VWA2: variants seen among roughly 807,000 people sequenced by gnomAD.
VWA2 encodes the protein von Willebrand factor A domain-containing protein 2.
Under a neutral mutation model 70.4 loss-of-function variants are expected in VWA2, and 73 were observed. The ratio of observed to expected loss-of-function variants is 1.04; its 90% CI spans 0.86 to 1.26. The LOEUF is 1.26. Among genes scored for constraint, VWA2 ranks in the 50% most tolerant of loss-of-function variants. The pLI is 0.00. For synonymous variants in VWA2, 407 were observed against 423.3 expected, an observed-to-expected ratio of 0.96 and a Z score of 0.47; for missense variants, 1,011 against 998.5, an observed-to-expected ratio of 1.01 and a Z score of -0.17.
chr10:114,245,018 TCA>T (rs1024216395), intron 1 of VWA2, among the ~76,000 whole-genome samples: 1 of 152,192 alleles, frequency 6.6e-6, no homozygotes, highest in Non-Finnish European at 1.5e-5. Context: ...GACAAACGTA[TCA>T]CTGGGCAGTT....
chr10:114,258,326 G>T (rs1225992315), intron 4 of VWA2, among the ~76,000 whole-genome samples: 1 of 152,048 alleles, frequency 6.6e-6, no homozygotes, highest in Non-Finnish European at 1.5e-5. Context: ...GACTTTTATG[G>T]ATGCTCTGTT....
chr10:114,294,331 A>G lies in VWA2; in HGVS notation c.*3094A>G, dbSNP rs910011812. On this transcript the variant is annotated 3_prime_UTR_variant, in exon 14 of 14. Coordinates refer to ENST00000392982, the MANE Select transcript of VWA2 (RefSeq NM_001272046.2). ...CTCAAACTTTTACACTGATATATTC[A>G]TAGTATTTTTTTATAATTTGAAAAA... 1.3e-5 allele frequency among the ~76,000 whole-genome samples: 2 copies of G among 152,234 alleles called. No homozygotes were observed. Among genetic ancestry groups the G allele is most frequent in the African/African-American group, 4.8e-5 (2 of 41,468 alleles).
At position 114,289,499 on chromosome 10, in the gene VWA2, G is replaced by A. The variant is rs201886217; in HGVS notation, c.2122+10G>A. 1.2e-5 allele frequency: 19 copies of A among 1,613,818 alleles called. No individual in the cohort carries two copies. Among genetic ancestry groups the A allele is most frequent in the Non-Finnish European group, 1.5e-5 (18 of 1,179,898 alleles). On this transcript the variant is annotated intron_variant, in intron 12 of 13. Coordinates refer to ENST00000392982, the MANE Select transcript of VWA2 (RefSeq NM_001272046.2). ...GAGTGGCTGTGTGGAGGTGAGTGGGGGAATCCACACCCTCAGGGCTGCCCC... is the reference window on the plus strand; with the variant it reads ...GAGTGGCTGTGTGGAGGTGAGTGGGAGAATCCACACCCTCAGGGCTGCCCC...
At chr10:114,279,214 A>T (rs1350000946) in intron 8 of VWA2, among the ~76,000 whole-genome samples, 1 of 152,146 alleles carries the variant, frequency 6.6e-6, no homozygotes, top group Non-Finnish European at 1.5e-5. Context: ...GGGCTGAGTG[A>T]GGCAAGAGGA....
At chr10:114,262,788 T>C (rs1404321542) in intron 5 of VWA2, among the ~76,000 whole-genome samples, 1 of 152,228 alleles carries the variant, frequency 6.6e-6, no homozygotes, top group Non-Finnish European at 1.5e-5. Flanking sequence ...CAAGTCATCA[T>C]GCAAGAAAGT....
intron 6 of VWA2, among the ~76,000 whole-genome samples, chr10:114,276,525 G>A (rs933257680): frequency 6.6e-6 from 1 of 152,056 alleles, no homozygotes; most frequent in South Asian, 2.1e-4. Context: ...TTGAGACAGG[G>A]TCCCGCTCTG....
intron 5 of VWA2, 141 bp downstream of exon 5, chr10:114,261,436 A>T (rs1432214506): frequency 3.6e-6 from 2 of 558,684 alleles, no homozygotes; most frequent in Non-Finnish European, 6.5e-6. Flanking sequence ...ACAGTTGGTC[A>T]CATGAATTCC....
At chr10:114,274,238 T>C (rs945971957) in intron 6 of VWA2, among the ~76,000 whole-genome samples, 1 of 152,216 alleles carries the variant, frequency 6.6e-6, no homozygotes, top group African/African-American at 2.4e-5. Context: ...ATGGAGAAGA[T>C]GTTAGTTTAT....
intron 13 of VWA2, 24 bp from the exon 14 acceptor site, chr10:114,291,194 C>A (rs1394946146): frequency 1.3e-6 from 2 of 1,550,436 alleles, no homozygotes; most frequent in Non-Finnish European, 8.7e-7. Flanking sequence ...CACTCCTGTC[C>A]TCAGACTTCA....
At chr10:114,279,013 G>A (rs1183580255) in intron 8 of VWA2, among the ~76,000 whole-genome samples, 162 bp downstream of exon 8, 1 of 152,136 alleles carries the variant, frequency 6.6e-6, no homozygotes, top group Non-Finnish European at 1.5e-5. Context: ...AACAGGGAGA[G>A]GCACAGCTAC....
intron 6 of VWA2, among the ~76,000 whole-genome samples, chr10:114,277,248 A>G (rs572673313): frequency 2.9e-5 from 4 of 136,736 alleles, no homozygotes; most frequent in Non-Finnish European, 6.1e-5. Context: ...CAGTGGCACA[A>G]TCTCGGCTCA....
At chr10:114,257,565 G>C (rs2037357595) in intron 4 of VWA2, among the ~76,000 whole-genome samples, 2 of 152,346 alleles carry the variant, frequency 1.3e-5, no homozygotes, top group East Asian at 1.9e-4. Flanking sequence ...AGAGAGTTAA[G>C]TGTGGAAGAA....
Position 114,289,592 on chromosome 10 carries a change from G to A in VWA2, c.2122+103G>A, listed in dbSNP as rs756511415. The A allele has an allele frequency of 9.5e-6, 13 of 1,369,122 alleles. No homozygotes were observed. The South Asian group carries it at 1.4e-4, about 15-fold the overall frequency. 84.8% of individuals were successfully genotyped at this position (1,369,122 alleles called of 1,614,324 possible). A position where few individuals can be genotyped will look rare whatever the true frequency, so the allele number is the denominator to read the frequency against. ...AGGATGGCAGCTCTTCCCAGCTACT[G>A]AGCACTTGCTTCCCAAGTGCCAGGT... is the stretch of plus-strand genomic sequence containing the variant. On this transcript the variant is annotated intron_variant, in intron 12 of 13. Coordinates refer to ENST00000392982, the MANE Select transcript of VWA2 (RefSeq NM_001272046.2).
At chr10:114,247,117 G>A (rs2037088635) in intron 1 of VWA2, among the ~76,000 whole-genome samples, 1 of 151,920 alleles carries the variant, frequency 6.6e-6, no homozygotes, top group African/African-American at 2.4e-5. Context: ...GTACCTGAGT[G>A]AGTGTGTCAC....
intron 6 of VWA2, among the ~76,000 whole-genome samples, chr10:114,274,794 G>A (rs1034684039): frequency 2.0e-5 from 3 of 151,992 alleles, no homozygotes; most frequent in South Asian, 2.1e-4. Context: ...TGCGCCTGGC[G>A]TTGGCTTAGG....
intron 5 of VWA2, among the ~76,000 whole-genome samples, chr10:114,267,408 C>T (rs2037594904): frequency 6.7e-6 from 1 of 150,352 alleles, no homozygotes; most frequent in Admixed American, 6.7e-5. Flanking sequence ...TGAGCCACCG[C>T]GCCGGCTGGG....
chr10:114,270,266 G>T (rs918715390), intron 5 of VWA2, among the ~76,000 whole-genome samples: 2 of 152,182 alleles, frequency 1.3e-5, no homozygotes, highest in Non-Finnish European at 2.9e-5. Flanking sequence ...TGGAAGTGGA[G>T]GGCCCTGGGT....
chr10:114,252,630 G>C (rs547944061), intron 2 of VWA2, among the ~76,000 whole-genome samples: 59 of 152,132 alleles, frequency 3.9e-4, no homozygotes, highest in African/African-American at 1.2e-3. Context: ...GATTCCTCCT[G>C]GCCTCCCTGC....
At chr10:114,254,032 C>A (rs1258042613) in intron 3 of VWA2, among the ~76,000 whole-genome samples, 1 of 151,472 alleles carries the variant, frequency 6.6e-6, no homozygotes, top group Non-Finnish European at 1.5e-5. Flanking sequence ...ACAAGAGGTA[C>A]ACTCCATCTC....
Sources: allele counts gnomAD v4.1 joint callset (sites outside exome capture counted in the v4.1 genomes callset), GRCh38; gene constraint gnomAD v4.1.1; transcripts MANE v1.5; gene names NCBI Gene and HGNC (gene_info 2026-07-23, HGNC 2026-07-21).